ROBO1: variants seen among roughly 807,000 people sequenced by gnomAD.
The protein encoded by ROBO1 is roundabout guidance receptor 1, also known as roundabout homolog 1.
Under a neutral mutation model 195.9 loss-of-function variants are expected in ROBO1, and 149 were observed. The ratio of observed to expected loss-of-function variants is 0.76; its 90% confidence interval spans 0.67 to 0.87. The LOEUF (loss-of-function observed/expected upper bound fraction) is 0.87, where lower values mean the gene tolerates loss of function less well. Ranked by LOEUF, ROBO1 falls within the 40% of genes least tolerant of loss-of-function variation. ROBO1 has a pLI of 0.00. For missense variants in ROBO1, 1,933 were observed against 2,068.3 expected, an observed-to-expected ratio of 0.93 and a Z score of 1.27; for synonymous variants, 816 against 733.2, an observed-to-expected ratio of 1.11 and a Z score of -1.82.
At chr3:78,693,027 T>C in intron 8 of ROBO1, 1 of 223,338 alleles carries the variant, frequency 4.5e-6, no homozygotes, top group Non-Finnish European at 8.7e-6. Context: ...AATCTTACGA[T>C]ATATATATAT....
intron 3 of ROBO1, among the ~76,000 whole-genome samples, chr3:78,944,846 C>T (rs1017559537): frequency 1.3e-4 from 20 of 152,160 alleles, no homozygotes; most frequent in Non-Finnish European, 2.1e-4. Context: ...ACTTAAAAAA[C>T]GGCACACCAG....
At chr3:79,592,502 C>G (rs1045986467) in intron 1 of ROBO1, among the ~76,000 whole-genome samples, 2 of 151,836 alleles carry the variant, frequency 1.3e-5, no homozygotes, top group Non-Finnish European at 2.9e-5. Flanking sequence ...CTATTGTACA[C>G]TTATCATTTC....
intron 1 of ROBO1, among the ~76,000 whole-genome samples, chr3:79,681,548 A>C (rs1946948910): frequency 6.6e-6 from 1 of 152,018 alleles, no homozygotes; most frequent in Non-Finnish European, 1.5e-5. Context: ...GAAAAATATG[A>C]ATATGAAATC....
intron 4 of ROBO1, among the ~76,000 whole-genome samples, chr3:78,924,725 A>C (rs1448019462): frequency 1.3e-5 from 2 of 152,246 alleles, no homozygotes; most frequent in East Asian, 3.9e-4. Context: ...GAAAATGGTT[A>C]CTATCAGCAC....
At chr3:78,665,533 T>C (rs1467935355) in intron 14 of ROBO1, among the ~76,000 whole-genome samples, 1 of 152,212 alleles carries the variant, frequency 6.6e-6, no homozygotes, top group Non-Finnish European at 1.5e-5. Context: ...GATTCTCTTA[T>C]TTGGCATACT....
intron 2 of ROBO1, among the ~76,000 whole-genome samples, chr3:79,521,114 C>T (rs1042540525): frequency 3.3e-5 from 5 of 152,140 alleles, no homozygotes; most frequent in Non-Finnish European, 7.3e-5. Flanking sequence ...TGAAAGCAAT[C>T]ATCTCCTCTC....
At position 79,516,915 on chromosome 3, in the gene ROBO1, A is replaced by G. The variant is rs569053013; in HGVS notation, c.88+72909T>C. On this transcript the variant is annotated intron_variant, in intron 2 of 30. Transcript: ENST00000464233. ...TGCACTATTGCCTTCCTGTAAGGCAATACCAATTTATACTCCCGTAAGCAC... is the reference window on the plus strand; with the variant it reads ...TGCACTATTGCCTTCCTGTAAGGCAGTACCAATTTATACTCCCGTAAGCAC... 5.3e-5 allele frequency among the ~76,000 whole-genome samples: 8 copies of G among 152,302 alleles called. No homozygotes were observed. The South Asian group carries it at 1.2e-3, about 24-fold the overall frequency.
chr3:78,845,866 T>C (rs1383106671), intron 4 of ROBO1, among the ~76,000 whole-genome samples: 6 of 152,120 alleles, frequency 3.9e-5, no homozygotes, highest in Non-Finnish European at 5.9e-5. Context: ...ATGCAGTAAA[T>C]CATTTTTAAA....
At chr3:79,762,609 A>AACACACACACACACACACACACAC (rs60977072) in intron 1 of ROBO1, among the ~76,000 whole-genome samples, 1,511 of 146,628 alleles carry the variant, frequency 0.01, 13 homozygotes, top group African/African-American at 0.019. Flanking sequence ...ATTCTGGACA[A>AACACACACACACACACACACACAC]ACACACACAC....
At chr3:79,154,007 T>TCTTTA (rs200407121) in intron 2 of ROBO1, among the ~76,000 whole-genome samples, 2,899 of 151,648 alleles carry the variant, frequency 0.019, 52 homozygotes, top group Middle Eastern at 0.024. Flanking sequence ...GACTAGTCAT[T>TCTTTA]CTTTACTTTC....
intron 4 of ROBO1, among the ~76,000 whole-genome samples, chr3:78,898,229 T>C (rs1489439208): frequency 1.3e-5 from 2 of 150,224 alleles, no homozygotes; most frequent in Non-Finnish European, 3.0e-5. Flanking sequence ...ATAATAAATA[T>C]AAAAAATATA....
intron 1 of ROBO1, among the ~76,000 whole-genome samples, chr3:79,637,701 G>A (rs755432931): frequency 1.3e-5 from 2 of 152,070 alleles, no homozygotes; most frequent in Non-Finnish European, 2.9e-5. Flanking sequence ...CTGTGATCAT[G>A]TGGATGGTTT....
intron 2 of ROBO1, among the ~76,000 whole-genome samples, chr3:79,565,428 T>C (rs1019003211): frequency 6.6e-6 from 1 of 152,030 alleles, no homozygotes; most frequent in Non-Finnish European, 1.5e-5. Flanking sequence ...ATTAAGAAAT[T>C]AAATAATCAG....
At chr3:79,594,003 G>C (rs1944086623) in intron 1 of ROBO1, among the ~76,000 whole-genome samples, 1 of 151,864 alleles carries the variant, frequency 6.6e-6, no homozygotes, top group African/African-American at 2.4e-5. Context: ...CCAGTGTGTG[G>C]CTTGTCTTAT....
At chr3:78,980,387 T>C (rs2076966129) in intron 3 of ROBO1, among the ~76,000 whole-genome samples, 1 of 152,204 alleles carries the variant, frequency 6.6e-6, no homozygotes, top group Admixed American at 6.5e-5. Flanking sequence ...CACAGCATTA[T>C]GAAAACTTCA....
chr3:79,604,009 G>A (rs1352472180), intron 1 of ROBO1, among the ~76,000 whole-genome samples: 2 of 151,958 alleles, frequency 1.3e-5, no homozygotes, highest in Non-Finnish European at 2.9e-5. Context: ...TACACAACAG[G>A]TACTCTCACG....
At chr3:79,230,817 C>G (rs545352645) in intron 2 of ROBO1, among the ~76,000 whole-genome samples, 1 of 152,230 alleles carries the variant, frequency 6.6e-6, no homozygotes, top group East Asian at 1.9e-4. Context: ...CAACTTCAAA[C>G]TATACTACAG....
intron 3 of ROBO1, among the ~76,000 whole-genome samples, chr3:78,983,311 T>C (rs1354402949): frequency 6.6e-6 from 1 of 152,256 alleles, no homozygotes; most frequent in South Asian, 2.1e-4. Flanking sequence ...CTTTTCACCT[T>C]CTCCCCCTAT....
intron 3 of ROBO1, among the ~76,000 whole-genome samples, chr3:78,973,128 T>G (rs772182040): frequency 6.6e-6 from 1 of 152,172 alleles, no homozygotes; most frequent in Non-Finnish European, 1.5e-5. Flanking sequence ...TGCTGTCTTG[T>G]TGTTACTCCG....
Sources: gnomAD v4.1 joint callset for allele counts (sites outside exome capture counted in the v4.1 genomes callset) on GRCh38, gnomAD v4.1.1 for gene constraint, MANE v1.5 for transcripts, NCBI Gene and HGNC (gene_info 2026-07-23, HGNC 2026-07-21) for gene names.